The following CNBD1 variants were observed in gnomAD, a reference collection of about 807,000 sequenced individuals.
The protein encoded by CNBD1 is cyclic nucleotide-binding domain-containing protein 1.
In CNBD1, 71 loss-of-function variants were observed where a neutral mutation model predicts 54.4. The observed-to-expected ratio is 1.30, with a 90% confidence interval of 1.08 to 1.59. The LOEUF is 1.59. Among genes scored for constraint, CNBD1 ranks in the 40% most tolerant of loss-of-function variants. The pLI, the probability that CNBD1 is intolerant of heterozygous loss-of-function variation, is 0.00. For synonymous variants in CNBD1, 182 were observed against 170.7 expected, an observed-to-expected ratio of 1.07 and a Z score of -0.51; for missense variants, 659 against 518.0, an observed-to-expected ratio of 1.27 and a Z score of -2.64.
At chr8:87,068,276 G>A (rs544791038) in intron 4 of CNBD1, among the ~76,000 whole-genome samples, 19 of 151,896 alleles carry the variant, frequency 1.3e-4, no homozygotes, top group Admixed American at 2.6e-4. Flanking sequence ...TTAAAAATGT[G>A]TTTTCAATGA....
intron 4 of CNBD1, among the ~76,000 whole-genome samples, chr8:87,028,174 G>A (rs564340876): frequency 1.1e-3 from 172 of 152,300 alleles, no homozygotes; most frequent in Non-Finnish European, 2.1e-3. Flanking sequence ...AAAAATTTGA[G>A]AAATTGAGAG....
intron 4 of CNBD1, among the ~76,000 whole-genome samples, chr8:87,074,672 G>A (rs1048711247): frequency 6.6e-6 from 1 of 152,130 alleles, no homozygotes; most frequent in Non-Finnish European, 1.5e-5. Flanking sequence ...CCTTGGCTGG[G>A]AGTCAGGGCT....
At chr8:86,958,781 C>G (rs1425519645) in intron 4 of CNBD1, among the ~76,000 whole-genome samples, 3 of 152,208 alleles carry the variant, frequency 2.0e-5, no homozygotes, top group East Asian at 3.9e-4. Context: ...ACTCTTTATC[C>G]AATTTGTCAG....
At chr8:87,237,863 G>A (rs966121794) in intron 6 of CNBD1, among the ~76,000 whole-genome samples, 5 of 151,942 alleles carry the variant, frequency 3.3e-5, no homozygotes, top group African/African-American at 1.2e-4. Context: ...AGAATGACAA[G>A]GATAAAAATG....
At chr8:87,370,809 A>G (rs1429384108) in intron 10 of CNBD1, among the ~76,000 whole-genome samples, 4 of 149,530 alleles carry the variant, frequency 2.7e-5, no homozygotes, top group South Asian at 2.1e-4. Context: ...GCCCATGCCT[A>G]TGTCCTGAAT....
chr8:86,867,110 A>G (rs1808376534), intron 1 of CNBD1, among the ~76,000 whole-genome samples: 3 of 152,174 alleles, frequency 2.0e-5, no homozygotes, highest in Non-Finnish European at 4.4e-5. Flanking sequence ...TTAAGTATAG[A>G]ACTAGATATT....
chr8:87,184,518 A>G (rs931877651), intron 4 of CNBD1, among the ~76,000 whole-genome samples: 2 of 151,992 alleles, frequency 1.3e-5, no homozygotes, highest in Non-Finnish European at 2.9e-5. Flanking sequence ...CTGGAGTTCT[A>G]TCTTGTCCAT....
chr8:87,278,438 AAC>A (rs1472069117), intron 6 of CNBD1, among the ~76,000 whole-genome samples: 2 of 151,628 alleles, frequency 1.3e-5, no homozygotes, highest in African/African-American at 4.8e-5. Flanking sequence ...ACAAAAAAGA[AAC>A]ACACTCCAAG....
chr8:86,887,005 A>G (rs1349650334), intron 1 of CNBD1, among the ~76,000 whole-genome samples: 1 of 152,134 alleles, frequency 6.6e-6, no homozygotes, highest in Non-Finnish European at 1.5e-5. Flanking sequence ...CTCCTTTATG[A>G]TTTGCTTACA....
intron 4 of CNBD1, among the ~76,000 whole-genome samples, chr8:87,062,192 T>C (rs1375874894): frequency 6.6e-6 from 1 of 152,230 alleles, no homozygotes; most frequent in Non-Finnish European, 1.5e-5. Context: ...TTATATTTTA[T>C]TAGTTATTCA....
chr8:87,104,833 G>A (rs1311300723), intron 4 of CNBD1, among the ~76,000 whole-genome samples: 3 of 152,152 alleles, frequency 2.0e-5, no homozygotes, highest in Non-Finnish European at 4.4e-5. Context: ...GAACTAATAT[G>A]TGCTTGATTT....
At position 87,210,183 on chromosome 8, in the gene CNBD1, G is replaced by A. The variant is rs116160512; in HGVS notation, c.577+4045G>A. Among the ~76,000 whole-genome samples, 509 of 152,306 alleles carry A rather than the reference G, an allele frequency of 3.3e-3. 1 individual carries two copies. The highest frequency in any genetic ancestry group is 0.012 in the African/African-American group (481 of 41,568). ...TAAGCAACAAAGTGATCAAGATATG[G>A]TCTGGCTATTTCTAACATCCTATGT... On this transcript the variant is annotated intron_variant, in intron 5 of 10. Transcript: ENST00000518476.
intron 4 of CNBD1, among the ~76,000 whole-genome samples, chr8:86,964,517 G>T (rs1404845681): frequency 6.6e-6 from 1 of 152,218 alleles, no homozygotes; most frequent in Non-Finnish European, 1.5e-5. Flanking sequence ...AAATAGTTAG[G>T]TTAAGTTCTG....
intron 4 of CNBD1, among the ~76,000 whole-genome samples, chr8:87,092,513 GTGTATGTGTGTGTATGTA>G (rs1811235030): frequency 7.1e-6 from 1 of 141,720 alleles, no homozygotes; most frequent in African/African-American, 2.9e-5. Context: ...ATGTGTGTGT[GTGTATGTGTGTGTATGTA>G]TGTATGTGTG....
At chr8:87,387,468 A>T (rs914402613), downstream of CNBD1, among the ~76,000 whole-genome samples, 3 of 152,332 alleles carry the variant, frequency 2.0e-5, no homozygotes, top group African/African-American at 7.2e-5. Flanking sequence ...AGTCTCTGAT[A>T]AAACAGACTT....
intron 4 of CNBD1, among the ~76,000 whole-genome samples, chr8:87,069,937 C>G (rs750046886): frequency 5.9e-5 from 9 of 152,142 alleles, no homozygotes; most frequent in Non-Finnish European, 1.0e-4. Context: ...AAATCCTACC[C>G]CAAATCCTAG....
intron 8 of CNBD1, among the ~76,000 whole-genome samples, chr8:87,332,080 G>T (rs932515490): frequency 1.3e-5 from 2 of 152,058 alleles, no homozygotes; most frequent in Non-Finnish European, 2.9e-5. Flanking sequence ...GGGCGTTGGG[G>T]CTCATACTTG....
intron 4 of CNBD1, among the ~76,000 whole-genome samples, chr8:87,150,031 G>T (rs564948676): frequency 4.7e-4 from 71 of 152,166 alleles, no homozygotes; most frequent in African/African-American, 1.6e-3. Context: ...TAAAAACTTA[G>T]CCTGGCGTGG....
At chr8:87,375,080 G>C (rs1293429425) in intron 10 of CNBD1, among the ~76,000 whole-genome samples, 1 of 151,796 alleles carries the variant, frequency 6.6e-6, no homozygotes, top group Non-Finnish European at 1.5e-5. Flanking sequence ...TAATTATACA[G>C]TACATTTAGA....
Sources: gnomAD v4.1 joint callset for allele counts (sites outside exome capture counted in the v4.1 genomes callset) on GRCh38, gnomAD v4.1.1 for gene constraint, MANE v1.5 for transcripts, NCBI Gene and HGNC (gene_info 2026-07-23, HGNC 2026-07-21) for gene names.